Variants in CCDC57 observed in about 807,000 individuals in gnomAD.
CCDC57 encodes coiled-coil domain containing 57.
Under a neutral mutation model 118.9 loss-of-function variants are expected in CCDC57, and 118 were observed. The ratio of observed to expected loss-of-function variants is 0.99; its 90% confidence interval spans 0.86 to 1.16. The LOEUF is 1.16. Among genes scored for constraint, CCDC57 ranks in the 50% most tolerant of loss-of-function variants. The pLI, the probability that CCDC57 is intolerant of heterozygous loss-of-function variation, is 0.00. For missense variants in CCDC57, 1,300 were observed against 1,320.7 expected (o/e 0.98, Z 0.24); for synonymous variants, 527 against 532.9 (o/e 0.99, Z 0.15).
intron 19 of CCDC57, among the ~76,000 whole-genome samples, chr17:82,102,274 C>T (rs1049496314): frequency 6.6e-6 from 1 of 152,202 alleles, no homozygotes; most frequent in Admixed American, 6.5e-5. Context: ...CCCCGGGTGT[C>T]CCTACCATCT....
chr17:82,177,547 G>A lies in CCDC57; in HGVS notation c.1506+927C>T, dbSNP rs1292825473. Among the ~76,000 whole-genome samples, 4 of 152,132 alleles carry A rather than the reference G, an allele frequency of 2.6e-5. No individual in the cohort carries two copies. The South Asian group carries it at 6.2e-4, about 24-fold the overall frequency. ...TGGGCAACAAAGCGAGACCGAGACC[G>A]TGTCTCAAAATAAATAAGTAAAAAC... is the stretch of plus-strand genomic sequence containing the variant. On this transcript the variant is annotated intron_variant, in intron 11 of 19. Transcript: ENST00000665763.
chr17:82,122,432 T>G (rs9783818), intron 19 of CCDC57, among the ~76,000 whole-genome samples: 114 of 147,246 alleles, frequency 7.7e-4, no homozygotes, highest in South Asian at 2.4e-3. Flanking sequence ...CTTGTGGCGC[T>G]CTAGGACTCG....
intron 7 of CCDC57, among the ~76,000 whole-genome samples, chr17:82,189,806 T>C (rs186614151): frequency 6.6e-6 from 1 of 151,688 alleles, no homozygotes; most frequent in Admixed American, 6.6e-5. Flanking sequence ...TGACCCGAGA[T>C]CGCACCACCA....
intron 3 of CCDC57, among the ~76,000 whole-genome samples, 197 bp from the exon 3 acceptor site, chr17:82,198,619 A>T (rs2048583049): frequency 6.6e-6 from 1 of 152,016 alleles, no homozygotes; most frequent in Non-Finnish European, 1.5e-5. Context: ...AGAGGAAATT[A>T]AATAGGGCCC....
chr17:82,165,468 C>A (rs530738909), intron 13 of CCDC57, among the ~76,000 whole-genome samples: 3 of 151,598 alleles, frequency 2.0e-5, no homozygotes, highest in South Asian at 2.1e-4. Context: ...GCTAGGCAGC[C>A]ACAACCCAGA....
In CCDC57 at chr17:82,212,395, CTCTTT is replaced by C. The variant is rs2050230913; in HGVS notation, c.-211+385_-211+389del. On this transcript the variant is annotated intron_variant, in intron 1 of 19. Coordinates refer to ENST00000665763, the Ensembl canonical transcript of CCDC57. The surrounding 1 kb of genome is among the most constrained non-coding windows in gnomAD (Gnocchi z 4.1). ...ACCGCCTCCGGCCTTTTTTTTTCCT[CTCTTT>C]TTTTTTTTTTTTTTTTAAACTCACA... is the stretch of plus-strand genomic sequence containing the variant. 3.0e-5 allele frequency among the ~76,000 whole-genome samples: 4 copies of C among 134,224 alleles called. No homozygotes were observed. The highest frequency in any genetic ancestry group is 7.5e-5 in the Admixed American group (1 of 13,356). 88.1% of individuals were successfully genotyped at this position (134,224 alleles called of 152,430 possible).
intron 2 of CCDC57, 118 bp from the exon 2 acceptor site, chr17:82,202,070 C>A (rs955957202): frequency 1.9e-6 from 2 of 1,033,988 alleles, no homozygotes; most frequent in South Asian, 1.7e-5. Context: ...GTGGCTCACA[C>A]CTGTAATCCC....
Position 82,190,347 on chromosome 17 carries a change from G to A in CCDC57, c.852-1928C>T, listed in dbSNP as rs1004091915. On this transcript the variant is annotated intron_variant, in intron 7 of 19. Coordinates refer to ENST00000665763, the Ensembl canonical transcript of CCDC57. ...GGTCCACCAGTGATGCTGGAAGTGA[G>A]CAGAGGAAAGTCATGCATTTGCAAG... Among the ~76,000 whole-genome samples, 5 of 152,210 alleles carry A rather than the reference G, an allele frequency of 3.3e-5. No homozygotes were observed. In the South Asian group the frequency reaches 1.0e-3, roughly 31 times the overall value.
At chr17:82,166,633 T>A (rs1211309820) in intron 13 of CCDC57, among the ~76,000 whole-genome samples, 1 of 151,540 alleles carries the variant, frequency 6.6e-6, no homozygotes, top group Non-Finnish European at 1.5e-5. Flanking sequence ...TAAGGCCAAC[T>A]GTGATGGCTC....
intron 7 of CCDC57, among the ~76,000 whole-genome samples, chr17:82,189,963 T>C (rs1332703087): frequency 1.3e-5 from 2 of 152,060 alleles, no homozygotes; most frequent in African/African-American, 2.4e-5. Context: ...TGAGCCGAGA[T>C]TGCGCCACTG....
chr17:82,210,165 T>C (rs1050605978), intron 1 of CCDC57, among the ~76,000 whole-genome samples: 3 of 152,040 alleles, frequency 2.0e-5, no homozygotes, highest in Non-Finnish European at 4.4e-5. Flanking sequence ...GTGATAGCGA[T>C]GGGTTAGAAT....
rs565801797 is a variant in CCDC57, at chr17:82,194,910, G to A, written c.618+353C>T. Among the ~76,000 whole-genome samples, 182 of 152,362 alleles carry A rather than the reference G, an allele frequency of 1.2e-3. 2 individuals carry two copies. The highest frequency in any genetic ancestry group is 4.0e-3 in the African/African-American group (167 of 41,600). On this transcript the variant is annotated intron_variant, in intron 5 of 19. Coordinates refer to ENST00000665763, the Ensembl canonical transcript of CCDC57. ...GCTGCACCCAAGCCTGCTGACATGA[G>A]GACCGGGCTGCGCCCGGCATGGGCA...
chr17:82,176,595 T>C (rs2045532533), intron 11 of CCDC57, among the ~76,000 whole-genome samples: 1 of 152,146 alleles, frequency 6.6e-6, no homozygotes, highest in South Asian at 2.1e-4. Context: ...CTGGGGGCCT[T>C]TGCAGCCTCC....
chr17:82,147,693 G>GTGGATGGA (rs748553457), intron 16 of CCDC57, among the ~76,000 whole-genome samples: 1 of 118,572 alleles, frequency 8.4e-6, no homozygotes, highest in Non-Finnish European at 1.8e-5. Flanking sequence ...GAATGGGTGG[G>GTGGATGGA]TGGATGGATG....
In CCDC57 at chr17:82,138,797, C is replaced by T. The variant is rs145411735; in HGVS notation, c.2456-4603G>A. On this transcript the variant is annotated intron_variant, in intron 16 of 19. Transcript: ENST00000665763. ...TGCTGCACGGAGACGTCCCGGGTGC[C>T]CACGGCGCTTCTCTTCATTAGAGTC... 1.2e-4 allele frequency among the ~76,000 whole-genome samples: 19 copies of T among 152,012 alleles called. No homozygotes were observed. The East Asian group carries it at 3.7e-3, about 29-fold the overall frequency.
At chr17:82,166,928 C>T (rs779391217) in intron 13 of CCDC57, among the ~76,000 whole-genome samples, 2 of 151,512 alleles carry the variant, frequency 1.3e-5, no homozygotes, top group Non-Finnish European at 2.9e-5. Context: ...AAACAACAAC[C>T]ACAACAACAA....
At position 82,212,759 on chromosome 17, in the gene CCDC57, T is replaced by G. The variant is rs989260061; in HGVS notation, c.-211+26A>C. 2.0e-5 allele frequency: 3 copies of G among 150,310 alleles called. No homozygotes were observed. The highest frequency in any genetic ancestry group is 1.3e-4 in the Admixed American group (2 of 15,066). The allele number at this position is 150,310 out of a possible 1,614,324, so 9.3% of individuals were successfully genotyped here. A position where few individuals can be genotyped will look rare whatever the true frequency, so the allele number is the denominator to read the frequency against. ...CGGCGCCCCCCACGCCTCCCACGCC[T>G]CCCACGCCGCCCGCCCGCACCTCAC... On this transcript the variant is annotated intron_variant, in intron 1 of 19. Coordinates refer to ENST00000665763, the Ensembl canonical transcript of CCDC57. This position sits in a 1 kb window ranked among gnomAD's most constrained non-coding sequence, Gnocchi z 4.1.
At chr17:82,123,923 C>T (rs1171431738) in intron 19 of CCDC57, among the ~76,000 whole-genome samples, 1 of 128,488 alleles carries the variant, frequency 7.8e-6, no homozygotes, top group African/African-American at 3.0e-5. Context: ...AGATTTCAGA[C>T]TTGAAGAAGG....
rs1239845341 is a variant in CCDC57 at position 82,211,674 on chromosome 17, ACT to A, written c.-211+1109_-211+1110del. ...ACCCTACTTTGTTTTAACCTGACTG[ACT>A]CTCTCTTAGCTGAGAGGGCCGGACA... On this transcript the variant is annotated intron_variant, in intron 1 of 19. Transcript: ENST00000665763. Among the ~76,000 whole-genome samples, 26 of 145,296 alleles carry A rather than the reference ACT, an allele frequency of 1.8e-4. No individual in the cohort carries two copies. The East Asian group carries it at 4.5e-3, about 25-fold the overall frequency.
Sources: allele counts gnomAD v4.1 joint callset (sites outside exome capture counted in the v4.1 genomes callset), GRCh38; gene constraint gnomAD v4.1.1; non-coding constraint Gnocchi (gnomAD v3.1); transcripts MANE v1.5; gene names NCBI Gene and HGNC (gene_info 2026-07-23, HGNC 2026-07-21).